The following ECHDC1 variants were observed in gnomAD, a reference collection of about 807,000 sequenced individuals.
The protein encoded by ECHDC1 is ethylmalonyl-CoA decarboxylase.
ECHDC1 carries 29 observed loss-of-function variants against 29.7 expected under a neutral mutation model. The ratio of observed to expected loss-of-function variants is 0.98; its 90% CI spans 0.73 to 1.33. ECHDC1 has a LOEUF of 1.33. ECHDC1 is among the 40% of genes most tolerant of loss of function. ECHDC1 has a pLI of 0.00. For missense variants in ECHDC1, 328 were observed against 350.0 expected, an observed-to-expected ratio of 0.94 and a Z score of 0.50; for synonymous variants, 126 against 123.1, an observed-to-expected ratio of 1.02 and a Z score of -0.15.
At chr6:127,293,212 A>C (rs948260925) in intron 5 of ECHDC1, among the ~76,000 whole-genome samples, 5 of 152,168 alleles carry the variant, frequency 3.3e-5, no homozygotes, top group African/African-American at 1.2e-4. Context: ...AAATGTATTC[A>C]AGAACATTCT....
chr6:127,312,819 T>C (rs1339500966), intron 5 of ECHDC1, among the ~76,000 whole-genome samples: 1 of 152,076 alleles, frequency 6.6e-6, no homozygotes, highest in Non-Finnish European at 1.5e-5. Flanking sequence ...ATCCATGCAA[T>C]AAAATACTTT....
chr6:127,329,113 T>G (rs979182741), intron 2 of ECHDC1, among the ~76,000 whole-genome samples: 4 of 151,594 alleles, frequency 2.6e-5, no homozygotes, highest in Admixed American at 1.3e-4. Flanking sequence ...ATGGTGCTGA[T>G]TTTTTTTTAA....
intron 5 of ECHDC1, among the ~76,000 whole-genome samples, chr6:127,290,536 T>C (rs923979148): frequency 1.3e-5 from 2 of 152,028 alleles, no homozygotes; most frequent in Non-Finnish European, 2.9e-5. Context: ...AAGCCCAAAG[T>C]TGATCTTTCT....
In ECHDC1 at chr6:127,330,920, C is replaced by T. The variant is rs745415896; in HGVS notation, c.109G>A (p.Val37Met). Residue 37 changes from valine (V) to methionine (M), a missense_variant, in exon 2 of 6, where the codon GTG becomes ATG. Physicochemically the swap from Val to Met is conservative, Grantham distance 21. Coordinates refer to ENST00000454859, the MANE Select transcript of ECHDC1 (RefSeq NM_001002030.2). ...GGAAACTGCTGAAGTGTTTTTTTCA[C>T]TTCTTCCTCATAAAATCCATGGGAT... ...STSHGFYEEE[V>M]KKTLQQFPGG... The T allele has an allele frequency of 1.5e-5, 25 of 1,614,090 alleles. No homozygotes were observed. In the South Asian group the frequency reaches 2.5e-4, roughly 16 times the overall value.
At chr6:127,299,908 ACCAT>A (rs1429149246) in intron 5 of ECHDC1, among the ~76,000 whole-genome samples, 3 of 152,190 alleles carry the variant, frequency 2.0e-5, no homozygotes, top group African/African-American at 7.2e-5. Context: ...ACAAATACTT[ACCAT>A]TGTGTTACAA....
chr6:127,307,756 A>G (rs2852154), intron 5 of ECHDC1, among the ~76,000 whole-genome samples: 1 of 80,004 alleles, frequency 1.2e-5, no homozygotes, highest in Non-Finnish European at 2.8e-5. Flanking sequence ...CCAGACTAAC[A>G]AAGAAAAAAA....
At chr6:127,341,402 A>G (rs1422051723) in intron 1 of ECHDC1, among the ~76,000 whole-genome samples, 1 of 152,256 alleles carries the variant, frequency 6.6e-6, no homozygotes, top group African/African-American at 2.4e-5. Context: ...TATAGTATCT[A>G]ATAGTATAAA....
chr6:127,331,476 G>A (rs929157340), intron 1 of ECHDC1, among the ~76,000 whole-genome samples: 10 of 152,030 alleles, frequency 6.6e-5, no homozygotes, highest in Non-Finnish European at 1.3e-4. Context: ...ACTCTTTCAG[G>A]AAATGATCAG....
chr6:127,337,838 G>A (rs1422682923), intron 1 of ECHDC1, among the ~76,000 whole-genome samples: 1 of 152,062 alleles, frequency 6.6e-6, no homozygotes, highest in African/African-American at 2.4e-5. Flanking sequence ...CCCTTAGACC[G>A]AAGTTCAGTG....
intron 3 of ECHDC1, among the ~76,000 whole-genome samples, chr6:127,324,159 C>G (rs999895471): frequency 5.3e-5 from 8 of 152,024 alleles, no homozygotes; most frequent in Non-Finnish European, 1.0e-4. Flanking sequence ...CTTTAAAAAG[C>G]AAAACAAATA....
chr6:127,321,165 T>C (rs866442360), intron 3 of ECHDC1, among the ~76,000 whole-genome samples: 3 of 152,196 alleles, frequency 2.0e-5, no homozygotes, highest in African/African-American at 7.2e-5. Context: ...GCTAAAATTG[T>C]CATATATTTC....
intron 5 of ECHDC1, among the ~76,000 whole-genome samples, chr6:127,299,626 C>G (rs1283763065): frequency 6.6e-6 from 1 of 151,944 alleles, no homozygotes; most frequent in Non-Finnish European, 1.5e-5. Context: ...TTATATAGTA[C>G]AAAAGTTACA....
At chr6:127,340,975 ATCTATATCCT>A (rs1440847676) in intron 1 of ECHDC1, among the ~76,000 whole-genome samples, 2 of 152,232 alleles carry the variant, frequency 1.3e-5, no homozygotes, top group Non-Finnish European at 2.9e-5. Context: ...ACGCCATCAG[ATCTATATCCT>A]TTTATCCTCA....
chr6:127,315,751 A>C, intron 4 of ECHDC1: 1 of 355,614 alleles, frequency 2.8e-6, no homozygotes, highest in Non-Finnish European at 5.7e-6. Context: ...TAATGTTATG[A>C]TTCTATTACT....
chr6:127,336,885 T>C (rs1160950921), intron 1 of ECHDC1, among the ~76,000 whole-genome samples: 1 of 152,166 alleles, frequency 6.6e-6, no homozygotes, highest in Non-Finnish European at 1.5e-5. Flanking sequence ...TCTTAGCTAG[T>C]GGAAGCAACT....
chr6:127,325,682 T>C (rs571416125), intron 3 of ECHDC1, among the ~76,000 whole-genome samples: 1 of 146,248 alleles, frequency 6.8e-6, no homozygotes, highest in East Asian at 2.0e-4. Context: ...ATAATCACCA[T>C]TCCAGTCCTG....
chr6:127,314,651 T>A (rs1206355239), intron 5 of ECHDC1, among the ~76,000 whole-genome samples, 165 bp downstream of exon 5: 2 of 152,128 alleles, frequency 1.3e-5, no homozygotes, highest in Non-Finnish European at 2.9e-5. Context: ...TGAAATTTTA[T>A]TAGATTAAAA....
intron 1 of ECHDC1, among the ~76,000 whole-genome samples, chr6:127,340,602 G>A (rs1421649881): frequency 6.6e-6 from 1 of 152,188 alleles, no homozygotes; most frequent in Admixed American, 6.5e-5. Flanking sequence ...CTTTTGCCTA[G>A]AATATGCCGT....
chr6:127,329,112 AT>A (rs1294154830), intron 2 of ECHDC1, among the ~76,000 whole-genome samples: 1 of 151,536 alleles, frequency 6.6e-6, no homozygotes. Context: ...TATGGTGCTG[AT>A]TTTTTTTTAA....
Sources: allele counts gnomAD v4.1 joint callset (sites outside exome capture counted in the v4.1 genomes callset), GRCh38; gene constraint gnomAD v4.1.1; transcripts MANE v1.5; gene names NCBI Gene and HGNC (gene_info 2026-07-23, HGNC 2026-07-21).